The following MTAP variants were observed in gnomAD, a reference collection of about 807,000 sequenced individuals.
The protein encoded by MTAP is S-methyl-5'-thioadenosine phosphorylase.
In MTAP, 33 loss-of-function variants were observed where a neutral mutation model predicts 33.6. That is an observed-to-expected ratio of 0.98 (90% CI 0.74 to 1.31). MTAP has a LOEUF of 1.31. Ranked by LOEUF, MTAP falls within the 40% of genes most tolerant of loss-of-function variation. MTAP has a pLI of 0.00. For missense variants in MTAP, 367 were observed against 360.0 expected (o/e 1.02, Z -0.16); for synonymous variants, 148 against 125.7 (o/e 1.18, Z -1.19).
Position 21,865,269 on chromosome 9 carries a change from C to T in MTAP, c.*3255C>T. On this transcript the variant is annotated 3_prime_UTR_variant, in exon 8 of 8. Coordinates refer to ENST00000644715, the MANE Select transcript of MTAP (RefSeq NM_002451.4). ...GGGCTTTTCCCCCTTTTGCTCAACA[C>T]TTCTTCCTGCCATCATGTGAAGAAG... 1 of 436,808 alleles carries T rather than the reference C, an allele frequency of 2.3e-6. No individual in the cohort carries two copies. Among genetic ancestry groups the T allele is most frequent in the Non-Finnish European group, 3.0e-6 (1 of 328,826 alleles). The allele number at this position is 436,808 out of a possible 1,614,324, so 27.1% of individuals were successfully genotyped here.
intron 1 of MTAP, among the ~76,000 whole-genome samples, chr9:21,888,250 A>G (rs371202421): frequency 3.3e-4 from 50 of 152,238 alleles, no homozygotes; most frequent in Non-Finnish European, 5.0e-4. Flanking sequence ...CATATGCTCT[A>G]TGTTGGAGAA....
In MTAP at chr9:21,865,390, A is replaced by G. The variant is rs1825837272; in HGVS notation, c.*3376A>G. 1.0e-6 allele frequency: 1 copy of G among 957,566 alleles called. No homozygotes were observed. The highest frequency in any genetic ancestry group is 1.2e-6 in the Non-Finnish European group (1 of 804,710). 59.3% of individuals were successfully genotyped at this position (957,566 alleles called of 1,614,324 possible). The stretch of plus-strand genomic sequence containing the variant: ...GTTAATTAAACCTCTTTCCTTTATA[A>G]ATTACCCAGTCATGGGCAGTCCTTT... On this transcript the variant is annotated 3_prime_UTR_variant, in exon 8 of 8. Transcript: ENST00000644715.
At chr9:21,906,871 A>G (rs998891038) in intron 1 of MTAP, among the ~76,000 whole-genome samples, 1 of 152,246 alleles carries the variant, frequency 6.6e-6, no homozygotes, top group African/African-American at 2.4e-5. Context: ...TTTTAAAAAT[A>G]AATGCTTTTT....
chr9:21,849,604 C>T (rs954627020), intron 5 of MTAP, among the ~76,000 whole-genome samples: 6 of 152,178 alleles, frequency 3.9e-5, no homozygotes, highest in Admixed American at 3.9e-4. Context: ...GGAAGCCATT[C>T]GAGCTGCCTC....
downstream of MTAP, chr9:21,931,511 C>A: frequency 4.5e-6 from 1 of 223,252 alleles, no homozygotes. Flanking sequence ...TGGTGATCAG[C>A]AGCTTCCTAG....
exon 8 of MTAP, chr9:21,936,346 A>G (rs989794431): frequency 4.6e-5 from 7 of 152,230 alleles, no homozygotes; most frequent in African/African-American, 7.2e-5. Flanking sequence ...TTGTTTGGAC[A>G]TATCTATCCA....
At chr9:21,827,917 A>G (rs76488291) in intron 4 of MTAP, among the ~76,000 whole-genome samples, 9 of 152,384 alleles carry the variant, frequency 5.9e-5, no homozygotes, top group Non-Finnish European at 1.3e-4. Flanking sequence ...ATCCAGATGT[A>G]TAAAGTATTA....
Position 21,863,610 on chromosome 9 carries a change from A to C in MTAP, c.*1596A>C, listed in dbSNP as rs1219804737. On this transcript the variant is annotated 3_prime_UTR_variant, in exon 8 of 8. Transcript: ENST00000644715. ...TGCACTCCAGCCTGGGCAACAGAGT[A>C]AGACTCAGTCTCAAAAAAAAAAAAA... is the stretch of plus-strand genomic sequence containing the variant. The C allele has an allele frequency of 1.0e-6, 1 of 966,140 alleles. No homozygotes were observed. Among genetic ancestry groups the C allele is most frequent in the Non-Finnish European group, 1.2e-6 (1 of 822,436 alleles). The allele number at this position is 966,140 out of a possible 1,614,324, so 59.8% of individuals were successfully genotyped here.
intron 1 of MTAP, among the ~76,000 whole-genome samples, chr9:21,896,114 A>G (rs1818287913): frequency 6.6e-6 from 1 of 152,218 alleles, no homozygotes; most frequent in East Asian, 1.9e-4. Flanking sequence ...AACGCACCCA[A>G]AACTGCTCAA....
At chr9:21,892,174 A>C (rs1338199881) in intron 1 of MTAP, 4 of 152,216 alleles carry the variant, frequency 2.6e-5, no homozygotes, top group Non-Finnish European at 5.9e-5. Flanking sequence ...AACACACTTA[A>C]GTATATAGAC....
chr9:21,834,609 G>T (rs1326135505), intron 4 of MTAP, among the ~76,000 whole-genome samples: 1 of 152,164 alleles, frequency 6.6e-6, no homozygotes, highest in Non-Finnish European at 1.5e-5. Flanking sequence ...GCCAGCAATG[G>T]CAATGGAGTC....
At chr9:21,830,973 G>T (rs1824952330) in intron 4 of MTAP, among the ~76,000 whole-genome samples, 1 of 152,130 alleles carries the variant, frequency 6.6e-6, no homozygotes, top group African/African-American at 2.4e-5. Context: ...TTTGCCATTG[G>T]AGCAAAGCAA....
intron 5 of MTAP, among the ~76,000 whole-genome samples, chr9:21,848,801 G>A (rs182919441): frequency 2.2e-3 from 331 of 152,224 alleles, no homozygotes; most frequent in African/African-American, 6.6e-3. Context: ...TGTGGGAACC[G>A]CAGTCACTCA....
intron 1 of MTAP, among the ~76,000 whole-genome samples, chr9:21,920,203 G>A (rs987576549): frequency 6.6e-6 from 1 of 152,012 alleles, no homozygotes; most frequent in African/African-American, 2.4e-5. Context: ...TTAGAAAGGA[G>A]GGAGTATATT....
chr9:21,852,565 G>A (rs1476949772), intron 5 of MTAP, among the ~76,000 whole-genome samples: 1 of 151,556 alleles, frequency 6.6e-6, no homozygotes, highest in African/African-American at 2.4e-5. Context: ...GGAAGTGGGA[G>A]AGGAGAATCA....
At chr9:21,906,482 G>C (rs1176832873) in intron 1 of MTAP, among the ~76,000 whole-genome samples, 1 of 152,142 alleles carries the variant, frequency 6.6e-6, no homozygotes, top group East Asian at 1.9e-4. Flanking sequence ...AGAGAGGGGA[G>C]AGAGGAGGAG....
At chr9:21,844,773 A>C (rs11532907) in intron 5 of MTAP, among the ~76,000 whole-genome samples, 1 of 151,984 alleles carries the variant, frequency 6.6e-6, no homozygotes. Flanking sequence ...GGTGGCTCAC[A>C]CCTGTAATCC....
downstream of MTAP, among the ~76,000 whole-genome samples, chr9:21,870,711 A>G (rs1825922636): frequency 6.6e-6 from 1 of 151,824 alleles, no homozygotes; most frequent in Non-Finnish European, 1.5e-5. Flanking sequence ...TTCTTCAAAT[A>G]CTAAATCTTT....
chr9:21,841,958 G>C (rs1825258168), intron 5 of MTAP, among the ~76,000 whole-genome samples: 1 of 152,218 alleles, frequency 6.6e-6, no homozygotes, highest in South Asian at 2.1e-4. Context: ...AAGGAATTCA[G>C]AAGATTGGTT....
Sources: gnomAD v4.1 joint callset for allele counts (sites outside exome capture counted in the v4.1 genomes callset) on GRCh38, gnomAD v4.1.1 for gene constraint, MANE v1.5 for transcripts, NCBI Gene and HGNC (gene_info 2026-07-23, HGNC 2026-07-21) for gene names.